Variants in MBD5 observed in about 807,000 individuals in gnomAD.
MBD5 encodes the protein methyl-CpG-binding domain protein 5.
In MBD5, 13 loss-of-function variants were observed where a neutral mutation model predicts 117.3. The ratio of observed to expected loss-of-function variants is 0.11; its 90% CI spans 0.07 to 0.18. The LOEUF is 0.18. MBD5 is among the 10% of genes least tolerant of loss of function. MBD5 has a pLI of 1.00. For synonymous variants in MBD5, 727 were observed against 766.4 expected, an observed-to-expected ratio of 0.95 and a Z score of 0.85; for missense variants, 1,879 against 2,093.8, an observed-to-expected ratio of 0.90 and a Z score of 2.00.
chr2:148,447,178 G>GAAAGAAA (rs1706570293), intron 4 of MBD5, among the ~76,000 whole-genome samples: 25 of 137,756 alleles, frequency 1.8e-4, no homozygotes, highest in African/African-American at 6.1e-4. Flanking sequence ...AAAGGAAGAA[G>GAAAGAAA]GAAAGAAAGA....
At chr2:148,151,682 G>C (rs1268259001) in intron 1 of MBD5, among the ~76,000 whole-genome samples, 1 of 152,136 alleles carries the variant, frequency 6.6e-6, no homozygotes, top group African/African-American at 2.4e-5. Flanking sequence ...GAGTGTATGT[G>C]TTGAGGAATT....
intron 2 of MBD5, among the ~76,000 whole-genome samples, chr2:148,198,237 A>G (rs1341801170): frequency 6.6e-6 from 1 of 152,108 alleles, no homozygotes. Context: ...GTCTATCAAG[A>G]TTGCATCTTT....
At chr2:148,151,305 G>A (rs1223581083) in intron 1 of MBD5, among the ~76,000 whole-genome samples, 2 of 151,716 alleles carry the variant, frequency 1.3e-5, no homozygotes, top group African/African-American at 4.8e-5. Flanking sequence ...CTTGATCATG[G>A]TGGATAAGCT....
chr2:148,444,421 C>A (rs1428765884), intron 4 of MBD5, among the ~76,000 whole-genome samples: 1 of 151,216 alleles, frequency 6.6e-6, no homozygotes, highest in African/African-American at 2.5e-5. Context: ...AGCCATCAGG[C>A]AGGTATCCAC....
chr2:148,186,096 A>G (rs758605641), intron 2 of MBD5, among the ~76,000 whole-genome samples: 1 of 152,254 alleles, frequency 6.6e-6, no homozygotes, highest in Non-Finnish European at 1.5e-5. Context: ...GTATAGTACT[A>G]GAATGAAAGT....
chr2:148,163,933 A>T (rs1453578615), intron 1 of MBD5, among the ~76,000 whole-genome samples: 2 of 152,354 alleles, frequency 1.3e-5, no homozygotes, highest in Admixed American at 1.3e-4. Context: ...TCTAATTACC[A>T]GACTACTGAC....
intron 1 of MBD5, among the ~76,000 whole-genome samples, chr2:148,075,167 A>G (rs1055820685): frequency 6.6e-6 from 1 of 152,230 alleles, no homozygotes; most frequent in Non-Finnish European, 1.5e-5. Context: ...AAGACTGTAC[A>G]TGACTGTGGA....
chr2:148,332,887 C>T (rs1702695578), intron 3 of MBD5, among the ~76,000 whole-genome samples: 3 of 151,210 alleles, frequency 2.0e-5, no homozygotes, highest in Admixed American at 6.6e-5. Context: ...TTTCTTGGTT[C>T]TCTCCTTCTG....
chr2:148,131,614 A>G (rs964213697), intron 1 of MBD5, among the ~76,000 whole-genome samples: 1 of 152,184 alleles, frequency 6.6e-6, no homozygotes, highest in East Asian at 1.9e-4. Context: ...GAGGATGATG[A>G]GCCCAGGAGT....
chr2:148,391,862 G>T (rs569994637), intron 4 of MBD5, among the ~76,000 whole-genome samples: 1 of 152,106 alleles, frequency 6.6e-6, no homozygotes, highest in African/African-American at 2.4e-5. Flanking sequence ...GTTCATCAAG[G>T]AACAAAGATA....
chr2:148,058,869 C>T (rs1402495029), intron 1 of MBD5, among the ~76,000 whole-genome samples: 2 of 152,142 alleles, frequency 1.3e-5, no homozygotes, highest in African/African-American at 4.8e-5. Flanking sequence ...ACATGGCATT[C>T]CAGAAGAACA....
chr2:148,333,139 T>A (rs1430466359), intron 3 of MBD5, among the ~76,000 whole-genome samples: 3 of 152,192 alleles, frequency 2.0e-5, no homozygotes, highest in African/African-American at 7.2e-5. Context: ...GTTAGAAACA[T>A]TTTTTCAAAT....
intron 3 of MBD5, among the ~76,000 whole-genome samples, chr2:148,284,654 C>G (rs1252765453): frequency 6.6e-6 from 1 of 152,132 alleles, no homozygotes; most frequent in Non-Finnish European, 1.5e-5. Flanking sequence ...GTACTGCCAC[C>G]TTTAAGATGC....
intron 3 of MBD5, among the ~76,000 whole-genome samples, chr2:148,312,728 A>G (rs1702063269): frequency 6.6e-6 from 1 of 152,000 alleles, no homozygotes; most frequent in East Asian, 1.9e-4. Context: ...GAGGAGAAGC[A>G]TTCTGGTTTT....
At chr2:148,342,689 A>G (rs1702978764) in intron 4 of MBD5, among the ~76,000 whole-genome samples, 1 of 152,024 alleles carries the variant, frequency 6.6e-6, no homozygotes, top group African/African-American at 2.4e-5. Context: ...ACTAGACACC[A>G]TAGGGCTTAA....
At position 148,470,101 on chromosome 2, in the gene MBD5, A is replaced by T; in HGVS notation, c.2158A>T (p.Thr720Ser). The change falls in exon 8 of 14, where the codon ACC (threonine) becomes TCC (serine). Residue 720 changes from threonine to serine, a missense_variant. This residue lies in a region of MBD5 where 1,666 missense variants were observed against 1,792.2 expected (regional missense o/e 0.93). Coordinates refer to ENST00000642680, the MANE Select transcript of MBD5 (RefSeq NM_001378120.1). Reference sequence around the variant, plus strand: ...AAGCTCTCACTTGAGTAGCAATAGTACCCCGGGTTGTGGGGCCTCAAATAC... The same window carrying T: ...AAGCTCTCACTTGAGTAGCAATAGTTCCCCGGGTTGTGGGGCCTCAAATAC... The part of the protein sequence containing the change: ...CQSSHLSSNS[T>S]PGCGASNTAL... The T allele has an allele frequency of 6.2e-7, 1 of 1,613,732 alleles. No individual in the cohort carries two copies. Among genetic ancestry groups the T allele is most frequent in the South Asian group, 1.1e-5 (1 of 91,072 alleles).
intron 4 of MBD5, among the ~76,000 whole-genome samples, chr2:148,375,568 G>A (rs1455332602): frequency 6.6e-6 from 1 of 152,100 alleles, no homozygotes; most frequent in Non-Finnish European, 1.5e-5. Context: ...TACATTGCTG[G>A]GATATGGGGT....
chr2:148,326,940 T>C (rs1356578863), intron 3 of MBD5, among the ~76,000 whole-genome samples: 1 of 151,572 alleles, frequency 6.6e-6, no homozygotes, highest in Non-Finnish European at 1.5e-5. Flanking sequence ...CTCGATGGTC[T>C]TTACATTTTG....
chr2:148,064,833 G>C (rs1277577109), intron 1 of MBD5, among the ~76,000 whole-genome samples: 1 of 151,630 alleles, frequency 6.6e-6, no homozygotes, highest in African/African-American at 2.4e-5. Flanking sequence ...TTTAGTAATT[G>C]ATGTATGAAA....
Sources: gnomAD v4.1 joint callset for allele counts (sites outside exome capture counted in the v4.1 genomes callset) on GRCh38, gnomAD v4.1.1 for gene constraint, gnomAD v4.1.1 regional missense constraint, MANE v1.5 for transcripts, NCBI Gene and HGNC (gene_info 2026-07-23, HGNC 2026-07-21) for gene names.